Variants in DPY19L1 observed in about 807,000 individuals in gnomAD.
DPY19L1 encodes the protein dpy-19 like C-mannosyltransferase 1, also known as protein C-mannosyl-transferase DPY19L1.
In DPY19L1, 35 loss-of-function variants were observed where a neutral mutation model predicts 96.9. That is an observed-to-expected ratio of 0.36 (90% CI 0.28 to 0.48). The LOEUF (loss-of-function observed/expected upper bound fraction) is 0.48, where lower values mean the gene tolerates loss of function less well. Among genes scored for constraint, DPY19L1 ranks in the 20% least tolerant of loss-of-function variants. The probability of loss-of-function intolerance (pLI) is 0.99; values close to 1 mark genes in which losing one functional copy is unlikely to be tolerated. For synonymous variants in DPY19L1, 205 were observed against 252.6 expected, an observed-to-expected ratio of 0.81 and a Z score of 1.79; for missense variants, 521 against 777.9, an observed-to-expected ratio of 0.67 and a Z score of 3.93.
At chr7:34,952,130 A>C (rs375202585) in intron 13 of DPY19L1, among the ~76,000 whole-genome samples, 2,340 of 97,814 alleles carry the variant, frequency 0.024, 29 homozygotes, top group Non-Finnish European at 0.033. Flanking sequence ...AAAAGACCAC[A>C]AAAAAAAAAC....
intron 6 of DPY19L1, 142 bp downstream of exon 6, chr7:35,010,326 T>C (rs945176190): frequency 5.2e-6 from 3 of 572,620 alleles, no homozygotes; most frequent in South Asian, 2.4e-5. Flanking sequence ...GGTGAAATCA[T>C]GCAAATAATG....
chr7:35,025,732 A>G (rs1786105079), intron 1 of DPY19L1, among the ~76,000 whole-genome samples: 1 of 152,230 alleles, frequency 6.6e-6, no homozygotes, highest in African/African-American at 2.4e-5. Context: ...TCAGCACTCC[A>G]AGAACAGCAA....
intron 19 of DPY19L1, 85 bp from the exon 20 acceptor site, chr7:34,939,460 G>T (rs1783948445): frequency 1.7e-6 from 2 of 1,204,436 alleles, no homozygotes; most frequent in Admixed American, 2.0e-5. Flanking sequence ...TTATTTCACA[G>T]GTAACAGAGC....
At chr7:34,962,873 T>C (rs1372173172) in intron 10 of DPY19L1, among the ~76,000 whole-genome samples, 2 of 151,990 alleles carry the variant, frequency 1.3e-5, no homozygotes, top group African/African-American at 4.8e-5. Context: ...AGGGGGTATA[T>C]GGGAACTTTG....
intron 6 of DPY19L1, among the ~76,000 whole-genome samples, chr7:34,994,125 G>C (rs1785232913): frequency 6.6e-6 from 1 of 152,054 alleles, no homozygotes; most frequent in African/African-American, 2.4e-5. Flanking sequence ...AAAACTTCTA[G>C]AAATACAAAG....
intron 19 of DPY19L1, 48 bp downstream of exon 19, chr7:34,940,105 A>G (rs539532870): frequency 1.4e-6 from 2 of 1,432,002 alleles, no homozygotes; most frequent in East Asian, 2.5e-5. Context: ...AAATTGTGGG[A>G]AAAACAGCTA....
intron 17 of DPY19L1, among the ~76,000 whole-genome samples, chr7:34,942,093 T>C (rs1784032617): frequency 6.6e-6 from 1 of 152,240 alleles, no homozygotes; most frequent in South Asian, 2.1e-4. Context: ...AAGGCAAGTG[T>C]TTCTGTGATT....
chr7:35,018,500 A>C, intron 2 of DPY19L1, 72 bp downstream of exon 2: 1 of 1,338,650 alleles, frequency 7.5e-7, no homozygotes, highest in South Asian at 1.2e-5. Context: ...ATTCCTTTAA[A>C]TGTATGGGAA....
intron 6 of DPY19L1, among the ~76,000 whole-genome samples, chr7:35,003,955 C>T (rs1233573049): frequency 4.6e-5 from 7 of 152,178 alleles, no homozygotes; most frequent in Admixed American, 1.3e-4. Flanking sequence ...TGTGGCCTGG[C>T]GGAGAGGGGC....
upstream of DPY19L1, chr7:35,037,912 G>T: frequency 8.1e-7 from 1 of 1,238,120 alleles, no homozygotes. Flanking sequence ...GAGTGATGGG[G>T]CCGAAGGAAG....
At chr7:35,030,671 G>GA (rs1161875354) in intron 1 of DPY19L1, among the ~76,000 whole-genome samples, 1 of 151,752 alleles carries the variant, frequency 6.6e-6, no homozygotes, top group Non-Finnish European at 1.5e-5. Context: ...GAGCTCTCAG[G>GA]AAAAAAATAA....
chr7:35,036,885 G>A (rs1786416383), intron 1 of DPY19L1, among the ~76,000 whole-genome samples: 1 of 151,834 alleles, frequency 6.6e-6, no homozygotes. Context: ...GGAAGCGTGC[G>A]AGGAGAGCTG....
intron 6 of DPY19L1, among the ~76,000 whole-genome samples, chr7:34,993,552 G>C (rs1280752916): frequency 6.6e-6 from 1 of 150,960 alleles, no homozygotes; most frequent in Admixed American, 6.6e-5. Flanking sequence ...AGATTTTTTA[G>C]GTAATTCTTA....
intron 1 of DPY19L1, among the ~76,000 whole-genome samples, chr7:35,028,270 G>A (rs1361745923): frequency 6.6e-6 from 1 of 152,176 alleles, no homozygotes; most frequent in Non-Finnish European, 1.5e-5. Flanking sequence ...TAGCACACAG[G>A]AGGAAATGCC....
intron 7 of DPY19L1, among the ~76,000 whole-genome samples, chr7:34,980,580 CA>C (rs374039175): frequency 6.6e-6 from 1 of 152,020 alleles, no homozygotes; most frequent in Non-Finnish European, 1.5e-5. Flanking sequence ...ACAGAATTGA[CA>C]AAGAGTTCCC....
intron 15 of DPY19L1, 140 bp downstream of exon 15, chr7:34,947,490 C>A (rs1354846443): frequency 2.4e-5 from 15 of 625,580 alleles, no homozygotes; most frequent in Non-Finnish European, 4.1e-5. Context: ...CAAAAGCTAT[C>A]ATTAAGAAAA....
In DPY19L1 at chr7:34,997,604, C is replaced by T. The variant is rs1235797717; in HGVS notation, c.765-7663G>A. On this transcript the variant is annotated intron_variant, in intron 6 of 21. Transcript: ENST00000638088. Reference sequence around the variant, plus strand: ...CAGCCTGGGCAACTGAGCGAGACTCCGTCTCAAAAAAAAAAAAAAAAAAAA... The same window carrying T: ...CAGCCTGGGCAACTGAGCGAGACTCTGTCTCAAAAAAAAAAAAAAAAAAAA... 7.9e-4 allele frequency among the ~76,000 whole-genome samples: 86 copies of T among 108,338 alleles called. 1 individual carries two copies. The highest frequency in any genetic ancestry group is 2.8e-3 in the African/African-American group (78 of 27,970). The allele number at this position is 108,338 out of a possible 152,430, so 71.1% of individuals were successfully genotyped here. A position where few individuals can be genotyped will look rare whatever the true frequency, so the allele number is the denominator to read the frequency against.
In DPY19L1 at chr7:34,953,292, T is replaced by C. The variant is rs1202287562; in HGVS notation, c.1320+1406A>G. Among the ~76,000 whole-genome samples the C allele has an allele frequency of 3.3e-5, 5 of 152,242 alleles. No individual in the cohort carries two copies. The East Asian group carries it at 7.7e-4, about 23-fold the overall frequency. On this transcript the variant is annotated intron_variant, in intron 13 of 21. Transcript: ENST00000638088. ...AGTTATTTCTAATTTGCAAATAACA[T>C]AGTTTATAGCATCTTTTTTGGCCCT...
Position 35,018,580 on chromosome 7 carries a change from C to G in DPY19L1, c.315G>C (p.Val105=). The G allele has an allele frequency of 6.2e-7, 1 of 1,610,066 alleles. No homozygotes were observed. Among genetic ancestry groups the G allele is most frequent in the Non-Finnish European group, 8.5e-7 (1 of 1,178,514 alleles). ...TTLLLAVFAA[V]LHWSHITHLF... Reference sequence around the variant, plus strand: ...GAAAAAAACAATCTTACCAGTGCAACACTGCTGCAAAAACAGCTGTAAGAA... The same window carrying G: ...GAAAAAAACAATCTTACCAGTGCAAGACTGCTGCAAAAACAGCTGTAAGAA... The change falls in exon 2 of 22, where the codon GTG becomes GTC. Residue 105 remains valine (V), a synonymous_variant. Coordinates refer to ENST00000638088, the MANE Select transcript of DPY19L1 (RefSeq NM_001366673.1).
Sources: allele counts gnomAD v4.1 joint callset (sites outside exome capture counted in the v4.1 genomes callset), GRCh38; gene constraint gnomAD v4.1.1; transcripts MANE v1.5; gene names NCBI Gene and HGNC (gene_info 2026-07-23, HGNC 2026-07-21).